The following MTA3 variants were observed in gnomAD, a reference collection of about 807,000 sequenced individuals.
MTA3 encodes the protein metastasis-associated protein MTA3.
Under a neutral mutation model 83.5 loss-of-function variants are expected in MTA3, and 34 were observed. That is an observed-to-expected ratio of 0.41 (90% CI 0.31 to 0.54). MTA3 has a LOEUF of 0.54. MTA3 is among the 20% of genes least tolerant of loss of function. The pLI is 0.33. For missense variants in MTA3, 761 were observed against 726.4 expected, an observed-to-expected ratio of 1.05 and a Z score of -0.55; for synonymous variants, 303 against 252.7, an observed-to-expected ratio of 1.20 and a Z score of -1.89.
chr2:42,611,693 G>A (rs1308815401), intron 4 of MTA3, among the ~76,000 whole-genome samples: 3 of 152,042 alleles, frequency 2.0e-5, no homozygotes, highest in South Asian at 2.1e-4. Context: ...GTGTGTGCCT[G>A]TGGTCCCAGC....
intron 8 of MTA3, among the ~76,000 whole-genome samples, chr2:42,669,918 G>A (rs1402816755): frequency 6.6e-6 from 1 of 152,162 alleles, no homozygotes; most frequent in Non-Finnish European, 1.5e-5. Context: ...AGGATAATTG[G>A]TGGAAAGATT....
At chr2:42,707,864 T>C in intron 12 of MTA3, 39 bp from the exon 13 acceptor site, 1 of 1,481,118 alleles carries the variant, frequency 6.8e-7, no homozygotes, top group Non-Finnish European at 9.0e-7. Context: ...ACAAATTAAA[T>C]AGCATTTTTC....
rs187899573 is a variant in MTA3 at position 42,646,922 on chromosome 2, C to T, written c.499+2678C>T. 3.6e-3 allele frequency among the ~76,000 whole-genome samples: 543 copies of T among 151,982 alleles called. 3 individuals are homozygous for T. Among genetic ancestry groups the T allele is most frequent in the African/African-American group, 0.012 (513 of 41,484 alleles). On this transcript the variant is annotated intron_variant, in intron 6 of 16. Coordinates refer to ENST00000405094, the MANE Select transcript of MTA3 (RefSeq NM_001330442.2). ...CTGTAATCCCAGCACTTTGGGAGGTCGAGGCAGGCGGATCACGAGGTCAGG... is the reference window on the plus strand; with the variant it reads ...CTGTAATCCCAGCACTTTGGGAGGTTGAGGCAGGCGGATCACGAGGTCAGG...
rs59628946 is a variant in MTA3, at chr2:42,658,071, CAAAAAAAAAAAA to C, written c.603-1674_603-1663del. Among the ~76,000 whole-genome samples the C allele has an allele frequency of 2.9e-4, 15 of 51,932 alleles. 1 individual carries two copies. The South Asian group carries it at 3.5e-3, about 12-fold the overall frequency. 34.1% of individuals were successfully genotyped at this position (51,932 alleles called of 152,430 possible). A position where few individuals can be genotyped will look rare whatever the true frequency, so the allele number is the denominator to read the frequency against. ...TGGGCGACAGAGGAAGACTCTGTCT[CAAAAAAAAAAAA>C]AAAAAAAAAAAAAAAAAGATCTTCT... On this transcript the variant is annotated intron_variant, in intron 7 of 16. Coordinates refer to ENST00000405094, the MANE Select transcript of MTA3 (RefSeq NM_001330442.2).
chr2:42,679,387 C>T (rs375036357), intron 8 of MTA3, among the ~76,000 whole-genome samples: 54 of 152,146 alleles, frequency 3.5e-4, no homozygotes, highest in Non-Finnish European at 5.9e-4. Context: ...TTGGGGTAAC[C>T]GCTATCATTA....
intron 4 of MTA3, chr2:42,613,718 T>G (rs1432837259): frequency 6.6e-6 from 1 of 152,206 alleles, no homozygotes; most frequent in Non-Finnish European, 1.5e-5. Context: ...TGCTTTTTAG[T>G]CTGTGAACTA....
chr2:42,744,762 A>G (rs1669292432), intron 16 of MTA3, among the ~76,000 whole-genome samples: 1 of 152,238 alleles, frequency 6.6e-6, no homozygotes, highest in Non-Finnish European at 1.5e-5. Context: ...AAGAGCAGTC[A>G]TAACTGTCTG....
chr2:42,726,290 C>T (rs949997971), intron 16 of MTA3, among the ~76,000 whole-genome samples: 3 of 151,962 alleles, frequency 2.0e-5, no homozygotes, highest in Non-Finnish European at 2.9e-5. Flanking sequence ...GCAGCCTGCC[C>T]CCTTCAGTGG....
intron 2 of MTA3, among the ~76,000 whole-genome samples, chr2:42,495,644 G>A (rs975413620): frequency 1.3e-5 from 2 of 152,168 alleles, no homozygotes; most frequent in African/African-American, 4.8e-5. Flanking sequence ...CTGTGAAGAA[G>A]TATAATGCAC....
upstream of MTA3, chr2:42,568,108 C>T (rs1316743580): frequency 6.6e-6 from 1 of 152,308 alleles, no homozygotes; most frequent in African/African-American, 2.4e-5. Context: ...AGGCCGGCCC[C>T]TTGAATCTCA....
At chr2:42,622,234 C>A (rs940857724) in intron 4 of MTA3, among the ~76,000 whole-genome samples, 1 of 152,134 alleles carries the variant, frequency 6.6e-6, no homozygotes, top group African/African-American at 2.4e-5. Context: ...GAAACCCCGT[C>A]TCCACCAAAA....
chr2:42,630,019 G>A (rs1351194709), intron 4 of MTA3, among the ~76,000 whole-genome samples: 1 of 151,964 alleles, frequency 6.6e-6, no homozygotes, highest in East Asian at 1.9e-4. Flanking sequence ...CAAGTGATCT[G>A]CTTGCCTTGG....
intron 13 of MTA3, 70 bp downstream of exon 13, chr2:42,708,124 A>G (rs1228619163): frequency 9.5e-6 from 14 of 1,470,378 alleles, no homozygotes; most frequent in Non-Finnish European, 1.3e-5. Flanking sequence ...TGGAAACAGA[A>G]GTACAGTATA....
chr2:42,498,830 G>A (rs1339099671), intron 2 of MTA3, among the ~76,000 whole-genome samples: 1 of 152,308 alleles, frequency 6.6e-6, no homozygotes, highest in South Asian at 2.1e-4. Context: ...TTTTTAGGGA[G>A]TTTAGCCACA....
At chr2:42,514,540 C>T (rs1675047264) in intron 2 of MTA3, among the ~76,000 whole-genome samples, 1 of 151,488 alleles carries the variant, frequency 6.6e-6, no homozygotes, top group Non-Finnish European at 1.5e-5. Flanking sequence ...CCCACCACCA[C>T]ATCCAGCTAA....
intron 14 of MTA3, among the ~76,000 whole-genome samples, chr2:42,716,239 G>A (rs1303531559): frequency 6.6e-6 from 1 of 152,190 alleles, no homozygotes; most frequent in African/African-American, 2.4e-5. Flanking sequence ...ATAATAATTA[G>A]CCAATATCTG....
At chr2:42,739,396 T>C (rs1410903860) in intron 16 of MTA3, among the ~76,000 whole-genome samples, 1 of 152,002 alleles carries the variant, frequency 6.6e-6, no homozygotes, top group Non-Finnish European at 1.5e-5. Context: ...AATAGCATTA[T>C]GTATAAAATA....
chr2:42,551,491 T>A (rs1677108774), intron 2 of MTA3, among the ~76,000 whole-genome samples: 1 of 152,028 alleles, frequency 6.6e-6, no homozygotes, highest in Non-Finnish European at 1.5e-5. Context: ...ACGCTGGCTT[T>A]ATTTCTCAAG....
At chr2:42,627,415 A>G (rs962230165) in intron 4 of MTA3, among the ~76,000 whole-genome samples, 1 of 152,108 alleles carries the variant, frequency 6.6e-6, no homozygotes, top group African/African-American at 2.4e-5. Flanking sequence ...CAGCAATGCT[A>G]TGTTTAGTAG....
Sources: allele counts gnomAD v4.1 joint callset (sites outside exome capture counted in the v4.1 genomes callset), GRCh38; gene constraint gnomAD v4.1.1; transcripts MANE v1.5; gene names NCBI Gene and HGNC (gene_info 2026-07-23, HGNC 2026-07-21).